Variants in GAD1 observed in about 807,000 individuals in gnomAD.
GAD1 encodes the protein glutamate decarboxylase 1, also known as 67 kDa glutamic acid decarboxylase.
In GAD1, 35 loss-of-function variants were observed where a neutral mutation model predicts 75.2. The observed-to-expected ratio is 0.47, with a 90% CI of 0.36 to 0.62. GAD1 has a LOEUF of 0.62. GAD1 is among the 20% of genes least tolerant of loss of function. The probability of loss-of-function intolerance (pLI) is 0.00; values close to 1 mark genes in which losing one functional copy is unlikely to be tolerated. For missense variants in GAD1, 490 were observed against 758.5 expected, an observed-to-expected ratio of 0.65 and a Z score of 4.16; for synonymous variants, 257 against 271.9, an observed-to-expected ratio of 0.95 and a Z score of 0.54.
chr2:170,854,133 A>G (rs1458958119), intron 14 of GAD1, 111 bp downstream of exon 14: 19 of 1,067,476 alleles, frequency 1.8e-5, no homozygotes, highest in Non-Finnish European at 2.6e-5. Flanking sequence ...GGGAATCAAT[A>G]TCTAGATAAT....
In GAD1 at chr2:170,819,291, G is replaced by GAAATAAATAAAT. The variant is rs3838553; in HGVS notation, c.82+632_82+643dup. 5.9e-3 allele frequency among the ~76,000 whole-genome samples: 889 copies of GAAATAAATAAAT among 149,766 alleles called. 12 individuals are homozygous for GAAATAAATAAAT. The highest frequency in any genetic ancestry group is 0.02 in the African/African-American group (822 of 40,518). On this transcript the variant is annotated intron_variant, in intron 2 of 16. Transcript: ENST00000358196. ...TTCATACAATTAATTACATCTCAGAGAAATAAATAAATAAATAAATAAATA... is the reference window on the plus strand; with the variant it reads ...TTCATACAATTAATTACATCTCAGAGAAATAAATAAATAAATAAATAAATAAATAAATAAATA...
Position 170,818,186 on chromosome 2 carries a change from T to C in GAD1, c.-63-343T>C, listed in dbSNP as rs2270335. On this transcript the variant is annotated intron_variant, in intron 1 of 16. Coordinates refer to ENST00000358196, the MANE Select transcript of GAD1 (RefSeq NM_000817.3). The surrounding 1 kb of genome is among the most constrained non-coding windows in gnomAD (Gnocchi z 5.9). The stretch of plus-strand genomic sequence containing the variant: ...TGAGCGCTCCCCTGTGCTCCTAGCC[T>C]AGTCCCCCACACCCTTGCGTCTTGT... 0.67 allele frequency: 145,928 copies of C among 219,122 alleles called. 51,836 individuals are homozygous for C. Among genetic ancestry groups the C allele is most frequent in the South Asian group, 0.77 (11,138 of 14,510 alleles). The allele number at this position is 219,122 out of a possible 1,614,324, so 13.6% of individuals were successfully genotyped here. A position where few individuals can be genotyped will look rare whatever the true frequency, so the allele number is the denominator to read the frequency against.
At chr2:170,849,427 C>T in intron 12 of GAD1, 77 bp downstream of exon 12, 1 of 1,323,702 alleles carries the variant, frequency 7.6e-7, no homozygotes, top group Non-Finnish European at 1.1e-6. Flanking sequence ...GCCTGCACCA[C>T]CCTGCCCTGA....
At chr2:170,847,875 G>C in intron 11 of GAD1, 83 bp downstream of exon 11, 1 of 859,860 alleles carries the variant, frequency 1.2e-6, no homozygotes, top group Non-Finnish European at 2.0e-6. Flanking sequence ...TTCTCCCCAC[G>C]CCCCAGCCAG....
At chr2:170,834,531 G>A (rs1702321807) in intron 5 of GAD1, among the ~76,000 whole-genome samples, 1 of 152,190 alleles carries the variant, frequency 6.6e-6, no homozygotes, top group South Asian at 2.1e-4. Context: ...TTCAGCCACA[G>A]CAGCTACTTA....
intron 3 of GAD1, among the ~76,000 whole-genome samples, chr2:170,827,745 C>G (rs958166334): frequency 2.0e-5 from 3 of 152,164 alleles, no homozygotes; most frequent in African/African-American, 7.2e-5. Context: ...TCCTGGAGGG[C>G]AGGGGATCTG....
intron 15 of GAD1, among the ~76,000 whole-genome samples, chr2:170,857,423 G>T (rs1310801302): frequency 6.6e-6 from 1 of 151,894 alleles, no homozygotes; most frequent in Non-Finnish European, 1.5e-5. Context: ...ATCATTCTTG[G>T]GTTTGTTTTG....
intron 16 of GAD1, 26 bp downstream of exon 16, chr2:170,858,919 T>G: frequency 6.3e-7 from 1 of 1,583,378 alleles, no homozygotes; most frequent in Non-Finnish European, 8.7e-7. Flanking sequence ...TTGTCTCATC[T>G]AATCCTCTGC....
At chr2:170,835,125 A>T (rs1174331012) in intron 5 of GAD1, among the ~76,000 whole-genome samples, 1 of 152,180 alleles carries the variant, frequency 6.6e-6, no homozygotes, top group Non-Finnish European at 1.5e-5. Context: ...TCATTGTCAT[A>T]CCTGAAAAGA....
chr2:170,814,285 C>T (rs1377890357), upstream of GAD1, among the ~76,000 whole-genome samples: 2 of 152,110 alleles, frequency 1.3e-5, no homozygotes, highest in Non-Finnish European at 1.5e-5. Flanking sequence ...AGGGCTGGGG[C>T]GAGTCTGGTG....
chr2:170,845,441 C>T (rs1048164971), intron 7 of GAD1, 65 bp from the exon 8 acceptor site: 14 of 1,329,634 alleles, frequency 1.1e-5, no homozygotes, highest in African/African-American at 2.9e-5. Context: ...ACCAGCTCAG[C>T]GTTCGTTTTT....
rs3791863 is a variant in GAD1, at chr2:170,825,965, A to G, written c.146-3510A>G. Among the ~76,000 whole-genome samples, 5 of 152,222 alleles carry G rather than the reference A, an allele frequency of 3.3e-5. No individual in the cohort carries two copies. The East Asian group carries it at 9.7e-4, about 29-fold the overall frequency. On this transcript the variant is annotated intron_variant, in intron 3 of 16. Coordinates refer to ENST00000358196, the MANE Select transcript of GAD1 (RefSeq NM_000817.3). Reference sequence around the variant, plus strand: ...GGAAATTGTCAAGGCACTGACCTCCATGTCATCCACCACCTCTTCATCCTT... The same window carrying G: ...GGAAATTGTCAAGGCACTGACCTCCGTGTCATCCACCACCTCTTCATCCTT...
chr2:170,843,951 C>A, intron 6 of GAD1, 94 bp from the exon 7 acceptor site: 2 of 742,122 alleles, frequency 2.7e-6, no homozygotes, highest in East Asian at 2.7e-5. Flanking sequence ...TTTTTAGAAC[C>A]CAACTACAAA....
At chr2:170,820,242 G>C (rs1049500483) in intron 2 of GAD1, among the ~76,000 whole-genome samples, 2 of 152,226 alleles carry the variant, frequency 1.3e-5, no homozygotes, top group African/African-American at 4.8e-5. Context: ...CGGAATTCCC[G>C]GTGGCCGCCA....
At chr2:170,859,558 T>G (rs1702918103) in intron 16 of GAD1, 151 bp from the exon 17 acceptor site, 1 of 792,634 alleles carries the variant, frequency 1.3e-6, no homozygotes, top group Non-Finnish European at 2.1e-6. Context: ...AGTCATTTGA[T>G]ATTAGCCCCT....
At position 170,829,513 on chromosome 2, in the gene GAD1, C is replaced by T. The variant is rs548422399; in HGVS notation, c.184C>T (p.Arg62Cys). The T allele has an allele frequency of 4.4e-5, 71 of 1,613,720 alleles. No individual in the cohort carries two copies. The highest frequency in any genetic ancestry group is 4.0e-4 in the East Asian group (18 of 44,870). Residue 62 changes from arginine to cysteine, a missense_variant, in exon 4 of 17, where the codon CGC (arginine) becomes TGC (cysteine). Physicochemically the swap from Arg to Cys is radical, Grantham distance 180. Around this residue, in one of 3 missense-constraint regions of GAD1, gnomAD observed 165 missense variants for 216.4 expected, o/e 0.76. Transcript: ENST00000358196. The stretch of plus-strand genomic sequence containing the variant: ...GACCAACAGCCTGGAAGAGAAGAGT[C>T]GCCTTGTGAGTGCCTTCAAGGAGAG... ...QRTNSLEEKS[R>C]LVSAFKERQS...
At position 170,849,357 on chromosome 2, in the gene GAD1, G is replaced by GCCAGAACT; in HGVS notation, c.1184+9_1184+16dup. ...AACTCAACGGCATAGAAAGGTAACG[G>GCCAGAACT]CCAGAACTCGCCAGGCCTCCTTCCA... On this transcript the variant is annotated splice_region_variant and intron_variant, in intron 12 of 16. Transcript: ENST00000358196. The GCCAGAACT allele has an allele frequency of 6.2e-7, 1 of 1,613,856 alleles. No individual in the cohort carries two copies. The highest frequency in any genetic ancestry group is 8.5e-7 in the Non-Finnish European group (1 of 1,179,844).
At chr2:170,829,137 C>A (rs1044605517) in intron 3 of GAD1, 1 of 383,218 alleles carries the variant, frequency 2.6e-6, no homozygotes, top group South Asian at 2.2e-5. Context: ...GATTGTGTCT[C>A]CTCCTTTAAA....
intron 3 of GAD1, among the ~76,000 whole-genome samples, chr2:170,825,422 C>A (rs1250208364): frequency 6.6e-6 from 1 of 152,162 alleles, no homozygotes; most frequent in African/African-American, 2.4e-5. Flanking sequence ...TGAAAAAGAG[C>A]CCCTCCGTCT....
Sources: gnomAD v4.1 joint callset for allele counts (sites outside exome capture counted in the v4.1 genomes callset) on GRCh38, gnomAD v4.1.1 for gene constraint, gnomAD v4.1.1 regional missense constraint, Gnocchi (gnomAD v3.1) non-coding constraint, MANE v1.5 for transcripts, NCBI Gene and HGNC (gene_info 2026-07-23, HGNC 2026-07-21) for gene names.